SORCS3: variants seen among roughly 807,000 people sequenced by gnomAD.
SORCS3 encodes the protein sortilin related VPS10 domain containing receptor 3, also known as VPS10 domain-containing receptor SorCS3.
In SORCS3, 57 loss-of-function variants were observed where a neutral mutation model predicts 146.3. The ratio of observed to expected loss-of-function variants is 0.39; its 90% confidence interval spans 0.31 to 0.49. The LOEUF (loss-of-function observed/expected upper bound fraction) is 0.49, where lower values mean the gene tolerates loss of function less well. Ranked by LOEUF, SORCS3 falls within the 20% of genes least tolerant of loss-of-function variation. The pLI, the probability that SORCS3 is intolerant of heterozygous loss-of-function variation, is 0.92. For synonymous variants in SORCS3, 653 were observed against 618.5 expected (o/e 1.06, Z -0.83); for missense variants, 1,341 against 1,575.5 (o/e 0.85, Z 2.52).
intron 1 of SORCS3, among the ~76,000 whole-genome samples, chr10:104,785,080 A>AC (rs759206919): frequency 0.056 from 6,911 of 122,826 alleles, 164 homozygotes; most frequent in Admixed American, 0.083. Flanking sequence ...AGGGGGGCTG[A>AC]CCCCCCCCCA....
At chr10:105,151,430 C>T (rs2056166956) in intron 9 of SORCS3, among the ~76,000 whole-genome samples, 1 of 152,012 alleles carries the variant, frequency 6.6e-6, no homozygotes, top group African/African-American at 2.4e-5. Flanking sequence ...TGATGTAGTC[C>T]CTTGTGCCAG....
At chr10:104,661,627 A>G (rs1196511001) in intron 1 of SORCS3, among the ~76,000 whole-genome samples, 2 of 152,188 alleles carry the variant, frequency 1.3e-5, no homozygotes, top group East Asian at 3.8e-4. Flanking sequence ...TATTACCTAT[A>G]TATTTATTAA....
chr10:105,104,375 A>G (rs903342295), intron 6 of SORCS3, among the ~76,000 whole-genome samples: 3 of 152,136 alleles, frequency 2.0e-5, no homozygotes, highest in African/African-American at 7.2e-5. Context: ...CCTTAATTAA[A>G]GAGCAAAAAA....
chr10:104,767,707 C>T (rs2017197380), intron 1 of SORCS3, among the ~76,000 whole-genome samples: 1 of 134,592 alleles, frequency 7.4e-6, no homozygotes, highest in South Asian at 2.8e-4. Flanking sequence ...ACTTGCCTTC[C>T]TCTCCCCCTC....
At chr10:104,767,714 C>G (rs1246894271) in intron 1 of SORCS3, among the ~76,000 whole-genome samples, 2 of 140,192 alleles carry the variant, frequency 1.4e-5, no homozygotes, top group Non-Finnish European at 3.1e-5. Context: ...TTCCTCTCCC[C>G]CTCCGCCTCC....
chr10:104,998,251 T>G (rs1174129564), intron 4 of SORCS3, among the ~76,000 whole-genome samples: 2 of 152,148 alleles, frequency 1.3e-5, no homozygotes, highest in African/African-American at 4.8e-5. Context: ...ATTCCCTGAT[T>G]CTCTTTTTCC....
At chr10:104,713,328 A>G (rs2016440751) in intron 1 of SORCS3, among the ~76,000 whole-genome samples, 1 of 152,210 alleles carries the variant, frequency 6.6e-6, no homozygotes, top group African/African-American at 2.4e-5. Context: ...CAGCCTCAGC[A>G]GCCTCCTGTA....
chr10:104,745,062 A>G (rs1205389644), intron 1 of SORCS3, among the ~76,000 whole-genome samples: 1 of 152,252 alleles, frequency 6.6e-6, no homozygotes, highest in East Asian at 1.9e-4. Context: ...TGTTTAAAAA[A>G]GTTAAACATA....
chr10:105,019,703 T>C (rs548312820), intron 4 of SORCS3, among the ~76,000 whole-genome samples: 4 of 152,338 alleles, frequency 2.6e-5, no homozygotes, highest in African/African-American at 9.6e-5. Context: ...TATTCTACCC[T>C]GTTCCATGAT....
At chr10:104,826,435 A>T (rs2017935996) in intron 1 of SORCS3, among the ~76,000 whole-genome samples, 1 of 152,228 alleles carries the variant, frequency 6.6e-6, no homozygotes, top group African/African-American at 2.4e-5. Flanking sequence ...AATAAGGTGA[A>T]TATCACAATA....
At chr10:105,182,908 G>A (rs1392009004) in intron 14 of SORCS3, among the ~76,000 whole-genome samples, 1 of 152,076 alleles carries the variant, frequency 6.6e-6, no homozygotes, top group African/African-American at 2.4e-5. Context: ...TTGCCATGTT[G>A]CCCAAGCTGT....
chr10:104,860,848 C>G (rs2018393345), intron 2 of SORCS3, among the ~76,000 whole-genome samples: 1 of 152,184 alleles, frequency 6.6e-6, no homozygotes, highest in Admixed American at 6.5e-5. Flanking sequence ...GATTCTAGAG[C>G]CTGTGCGCTT....
intron 1 of SORCS3, among the ~76,000 whole-genome samples, chr10:104,656,643 G>A (rs1398522439): frequency 6.6e-6 from 1 of 151,812 alleles, no homozygotes; most frequent in East Asian, 1.9e-4. Flanking sequence ...TAACCTGGAT[G>A]ACAGAGTGAG....
At position 104,641,918 on chromosome 10, in the gene SORCS3, C is replaced by T; in HGVS notation, c.591C>T (p.Asn197=). ...SFALTGDSAH[N]QAMVHWSGHN... is the part of the protein sequence containing the mutation. Reference sequence around the variant, plus strand: ...CGCTGACCGGGGACTCGGCCCACAACCAAGCCATGGTGCACTGGTCGGGAC... The same window carrying T: ...CGCTGACCGGGGACTCGGCCCACAATCAAGCCATGGTGCACTGGTCGGGAC... The change falls in exon 1 of 27, where the codon AAC becomes AAT. Residue 197 remains asparagine, a synonymous_variant. Transcript: ENST00000369701. This position sits in a 1 kb window ranked among gnomAD's most constrained non-coding sequence, Gnocchi z 6.4. The T allele has an allele frequency of 1.3e-6, 2 of 1,598,886 alleles. 1 individual carries two copies. Among genetic ancestry groups the T allele is most frequent in the Non-Finnish European group, 1.7e-6 (2 of 1,178,492 alleles).
At chr10:105,244,897 C>T (rs528148845) in intron 20 of SORCS3, among the ~76,000 whole-genome samples, 1 of 151,956 alleles carries the variant, frequency 6.6e-6, no homozygotes, top group South Asian at 2.1e-4. Flanking sequence ...GGTGAAACCC[C>T]ATCTCCACTA....
At chr10:104,874,474 T>G (rs1279244481) in intron 2 of SORCS3, among the ~76,000 whole-genome samples, 1 of 152,144 alleles carries the variant, frequency 6.6e-6, no homozygotes, top group African/African-American at 2.4e-5. Flanking sequence ...CTTTCCAACG[T>G]GTACTACTTA....
intron 3 of SORCS3, among the ~76,000 whole-genome samples, chr10:104,942,112 A>G (rs984820945): frequency 2.6e-5 from 4 of 152,214 alleles, no homozygotes; most frequent in Non-Finnish European, 5.9e-5. Context: ...AGACAGTATG[A>G]GGATCAAAGA....
Position 105,105,504 on chromosome 10 carries a change from A to G in SORCS3, c.1201A>G (p.Ile401Val). 6.2e-7 allele frequency: 1 copy of G among 1,610,094 alleles called. No individual in the cohort carries two copies. Among genetic ancestry groups the G allele is most frequent in the Non-Finnish European group, 8.5e-7 (1 of 1,176,448 alleles). The change falls in exon 7 of 27, where the codon ATC becomes GTC. Residue 401 changes from isoleucine to valine, a missense_variant. Ile to Val is a conservative substitution (Grantham distance 29). Transcript: ENST00000369701. ...TTCCCTGGTTGTCCAGGATGAATAT[A>G]TCTTCATTCAGGTGAGTACAGAAAG... ...ISSLVVQDEY[I>V]FIQVTTSGRA...
At chr10:105,092,812 G>A (rs1227706111) in intron 6 of SORCS3, among the ~76,000 whole-genome samples, 2 of 152,098 alleles carry the variant, frequency 1.3e-5, no homozygotes, top group South Asian at 2.1e-4. Context: ...CAATGGACTA[G>A]TGAGAAGGAA....
Sources: allele counts gnomAD v4.1 joint callset (sites outside exome capture counted in the v4.1 genomes callset), GRCh38; gene constraint gnomAD v4.1.1; non-coding constraint Gnocchi (gnomAD v3.1); transcripts MANE v1.5; gene names NCBI Gene and HGNC (gene_info 2026-07-23, HGNC 2026-07-21).